The following FRAS1 variants were observed in gnomAD, a reference collection of about 807,000 sequenced individuals.
FRAS1 encodes Fraser extracellular matrix complex subunit 1, also known as extracellular matrix organizing protein FRAS1.
In FRAS1, 290 loss-of-function variants were observed where a neutral mutation model predicts 435.2. The observed-to-expected ratio is 0.67, with a 90% CI of 0.61 to 0.73. The LOEUF (loss-of-function observed/expected upper bound fraction) is 0.73, where lower values mean the gene tolerates loss of function less well. FRAS1 is among the 30% of genes least tolerant of loss of function. The probability of loss-of-function intolerance (pLI) is 0.00; values close to 1 mark genes in which losing one functional copy is unlikely to be tolerated. For missense variants in FRAS1, 4,860 were observed against 5,001.5 expected, an observed-to-expected ratio of 0.97 and a Z score of 0.85; for synonymous variants, 1,800 against 1,851.0, an observed-to-expected ratio of 0.97 and a Z score of 0.71.
intron 30 of FRAS1, among the ~76,000 whole-genome samples, chr4:78,402,745 A>G (rs369994646): frequency 2.6e-5 from 4 of 152,102 alleles, no homozygotes; most frequent in East Asian, 1.9e-4. Flanking sequence ...CAGGATCTCA[A>G]TTACACTTAT....
chr4:78,279,818 A>C (rs1329523016), intron 10 of FRAS1, among the ~76,000 whole-genome samples: 5 of 152,210 alleles, frequency 3.3e-5, no homozygotes, highest in Admixed American at 3.3e-4. Flanking sequence ...TTGACCAGTC[A>C]GAATAGGATT....
chr4:78,535,514 T>C (rs77845798), intron 71 of FRAS1, among the ~76,000 whole-genome samples: 23,580 of 152,172 alleles, frequency 0.15, 2,069 homozygotes, highest in Non-Finnish European at 0.21. Flanking sequence ...GCTACCCTGC[T>C]GACTGCGTCA....
chr4:78,526,703 G>T (rs1488457892), intron 70 of FRAS1, 46 bp downstream of exon 70: 52 of 1,232,470 alleles, frequency 4.2e-5, no homozygotes, highest in Non-Finnish European at 5.7e-5. Flanking sequence ...TTCCTTATTT[G>T]TGAATTCTCC....
rs766299306 is a variant in FRAS1 at position 78,511,335 on chromosome 4, A to G, written c.9842A>G (p.Asp3281Gly). ...GTGCGTTGTGTGGCCAAGGCTGTGGACAAGGTGGGCCATGTGGGGACCCCC... is the reference window on the plus strand; with the variant it reads ...GTGCGTTGTGTGGCCAAGGCTGTGGGCAAGGTGGGCCATGTGGGGACCCCC... ...FHVRCVAKAV[D>G]KVGHVGTPLR... is the part of the protein sequence containing the mutation. Residue 3281 changes from aspartate (D) to glycine (G), a missense_variant, in exon 64 of 74, where the codon GAC becomes GGC. By Grantham distance (94) the Asp-to-Gly change is moderately conservative. Transcript: ENST00000512123. The G allele has an allele frequency of 7.4e-6, 12 of 1,613,280 alleles. No individual in the cohort carries two copies. Among genetic ancestry groups the G allele is most frequent in the Non-Finnish European group, 9.3e-6 (11 of 1,179,468 alleles).
intron 33 of FRAS1, among the ~76,000 whole-genome samples, chr4:78,419,724 G>T (rs886972120): frequency 1.3e-5 from 2 of 152,138 alleles, no homozygotes; most frequent in African/African-American, 4.8e-5. Flanking sequence ...GGTTTAATTG[G>T]CTCATGGTTT....
intron 2 of FRAS1, among the ~76,000 whole-genome samples, chr4:78,217,666 G>A (rs116518279): frequency 0.022 from 3,292 of 152,016 alleles, 115 homozygotes; most frequent in African/African-American, 0.074. Context: ...GGCAGTTGTC[G>A]CTCACTGCAA....
intron 37 of FRAS1, among the ~76,000 whole-genome samples, chr4:78,431,384 T>C (rs969981271): frequency 1.3e-5 from 2 of 152,214 alleles, no homozygotes; most frequent in African/African-American, 4.8e-5. Flanking sequence ...AGTTAACATA[T>C]AAAATCTAAA....
chr4:78,384,539 G>A (rs1012174747), intron 28 of FRAS1, among the ~76,000 whole-genome samples: 13 of 152,046 alleles, frequency 8.6e-5, no homozygotes, highest in African/African-American at 2.2e-4. Flanking sequence ...CTACAGAGGC[G>A]GTGTTCTTAA....
chr4:78,096,950 G>A (rs765786798), intron 2 of FRAS1, among the ~76,000 whole-genome samples: 10 of 152,112 alleles, frequency 6.6e-5, no homozygotes, highest in African/African-American at 2.4e-4. Flanking sequence ...CTTTTCTATC[G>A]CATTGTCAGG....
At chr4:78,514,039 A>C (rs537961293) in intron 65 of FRAS1, among the ~76,000 whole-genome samples, 90 of 152,338 alleles carry the variant, frequency 5.9e-4, no homozygotes, top group African/African-American at 2.0e-3. Flanking sequence ...CAAGATGTTT[A>C]TTAGGGATCA....
intron 68 of FRAS1, 38 bp from the exon 69 acceptor site, chr4:78,522,611 A>G (rs771174522): frequency 2.2e-5 from 34 of 1,541,920 alleles, no homozygotes; most frequent in Non-Finnish European, 2.9e-5. Context: ...AAGCTCTACC[A>G]CAAGTACATT....
chr4:78,375,557 A>C (rs1578283415), intron 25 of FRAS1, among the ~76,000 whole-genome samples, 182 bp from the exon 26 acceptor site: 1 of 152,082 alleles, frequency 6.6e-6, no homozygotes, highest in Admixed American at 6.5e-5. Context: ...GAACGTGAGG[A>C]GTGTTCCTCT....
intron 2 of FRAS1, among the ~76,000 whole-genome samples, chr4:78,174,013 CT>C (rs1227797740): frequency 1.3e-5 from 2 of 152,212 alleles, no homozygotes; most frequent in African/African-American, 4.8e-5. Flanking sequence ...GTGACTAACT[CT>C]TGATTGCCAC....
chr4:78,128,272 A>T (rs1311757642), intron 2 of FRAS1, among the ~76,000 whole-genome samples: 1 of 152,158 alleles, frequency 6.6e-6, no homozygotes, highest in African/African-American at 2.4e-5. Context: ...ATACCCAGTA[A>T]TGGGATTGCT....
chr4:78,232,288 A>T (rs796936779), intron 2 of FRAS1, among the ~76,000 whole-genome samples: 2 of 144,066 alleles, frequency 1.4e-5, no homozygotes, highest in Admixed American at 6.9e-5. Context: ...TACAAGGAAG[A>T]TTTTTTTTTT....
chr4:78,097,575 A>G (rs932779159), intron 2 of FRAS1, among the ~76,000 whole-genome samples: 17 of 152,228 alleles, frequency 1.1e-4, no homozygotes, highest in African/African-American at 3.9e-4. Context: ...GTCACATCTT[A>G]CATGGATGGC....
chr4:78,151,558 A>G (rs1214717122), intron 2 of FRAS1, among the ~76,000 whole-genome samples: 1 of 152,146 alleles, frequency 6.6e-6, no homozygotes, highest in African/African-American at 2.4e-5. Context: ...TTGGTAGGGA[A>G]TTTCATTTTC....
rs1428651762 is a variant in FRAS1, at chr4:78,363,500, C to T, written c.2423-13C>T. On this transcript the variant is annotated splice_polypyrimidine_tract_variant and intron_variant, in intron 20 of 73. Transcript: ENST00000512123. ...GCACCCGTGCCTTCTCTGTGCTCCC[C>T]TTCCCCCTCCAGACTGCCATCACCT... 3 of 1,603,044 alleles carry T rather than the reference C, an allele frequency of 1.9e-6. No individual in the cohort carries two copies. The highest frequency in any genetic ancestry group is 1.3e-5 in the African/African-American group (1 of 74,910).
intron 32 of FRAS1, among the ~76,000 whole-genome samples, chr4:78,417,751 C>T (rs1168128365): frequency 6.6e-6 from 1 of 152,216 alleles, no homozygotes; most frequent in Non-Finnish European, 1.5e-5. Flanking sequence ...GAACACCACA[C>T]CCTCCTCTAT....
Sources: allele counts gnomAD v4.1 joint callset (sites outside exome capture counted in the v4.1 genomes callset), GRCh38; gene constraint gnomAD v4.1.1; transcripts MANE v1.5; gene names NCBI Gene and HGNC (gene_info 2026-07-23, HGNC 2026-07-21).